Variants in DNAH5 observed in about 807,000 individuals in gnomAD.
The protein encoded by DNAH5 is dynein axonemal heavy chain 5.
In DNAH5, 372 loss-of-function variants were observed where a neutral mutation model predicts 518.2. The ratio of observed to expected loss-of-function variants is 0.72; its 90% CI spans 0.66 to 0.78. The LOEUF (loss-of-function observed/expected upper bound fraction) is 0.78. DNAH5 is among the 30% of genes least tolerant of loss of function. The probability of loss-of-function intolerance (pLI) is 0.00; values close to 1 mark genes in which losing one functional copy is unlikely to be tolerated. For missense variants in DNAH5, 5,523 were observed against 5,687.0 expected, an observed-to-expected ratio of 0.97 and a Z score of 0.93; for synonymous variants, 2,039 against 2,025.9, an observed-to-expected ratio of 1.01 and a Z score of -0.17.
At chr5:14,006,115 C>T (rs1344887793) in intron 1 of DNAH5, among the ~76,000 whole-genome samples, 1 of 151,322 alleles carries the variant, frequency 6.6e-6, no homozygotes, top group Non-Finnish European at 1.5e-5. Flanking sequence ...ACCCATTATT[C>T]AAAAAGATGA....
intron 1 of DNAH5, among the ~76,000 whole-genome samples, chr5:13,935,334 C>T (rs1778825451): frequency 6.6e-6 from 1 of 152,126 alleles, no homozygotes. Context: ...AGAGGGAAAT[C>T]ACTCCCTAAA....
rs545876899 is a variant in DNAH5 at position 13,937,492 on chromosome 5, G to A, written c.58-6248C>T. Among the ~76,000 whole-genome samples, 8 of 151,478 alleles carry A rather than the reference G, an allele frequency of 5.3e-5. No individual in the cohort carries two copies. The East Asian group carries it at 7.8e-4, about 15-fold the overall frequency. On this transcript the variant is annotated intron_variant, in intron 1 of 78. Coordinates refer to ENST00000265104, the MANE Select transcript of DNAH5 (RefSeq NM_001369.3). ...CATCTTCTACTCCTGAAAGTGTCTC[G>A]GAGGTTAGTTCCTCATTTGGGTAGT...
At chr5:13,888,420 C>T (rs1772722863) in intron 17 of DNAH5, among the ~76,000 whole-genome samples, 1 of 152,204 alleles carries the variant, frequency 6.6e-6, no homozygotes, top group Non-Finnish European at 1.5e-5. Context: ...CACTCTCACT[C>T]CCTCCCTTCA....
At chr5:13,951,504 G>C (rs1780408660) in intron 1 of DNAH5, among the ~76,000 whole-genome samples, 1 of 152,064 alleles carries the variant, frequency 6.6e-6, no homozygotes, top group Non-Finnish European at 1.5e-5. Context: ...ACAGGCGTGA[G>C]CCACCATGCC....
chr5:13,729,257 C>T (rs1243394745), intron 69 of DNAH5, among the ~76,000 whole-genome samples, 182 bp downstream of exon 69: 1 of 152,170 alleles, frequency 6.6e-6, no homozygotes, highest in Non-Finnish European at 1.5e-5. Context: ...GATCAGTTAA[C>T]GATGAGCAGA....
chr5:13,836,220 C>T (rs967951980), intron 35 of DNAH5, among the ~76,000 whole-genome samples: 10 of 152,150 alleles, frequency 6.6e-5, no homozygotes, highest in African/African-American at 1.9e-4. Context: ...TGATCAAACA[C>T]GCTAAGGTTA....
intron 76 of DNAH5, 116 bp downstream of exon 76, chr5:13,708,007 G>C: frequency 1.6e-6 from 2 of 1,244,896 alleles, no homozygotes; most frequent in Non-Finnish European, 2.4e-6. Flanking sequence ...AGGGGGCTTC[G>C]TCCCTGTGCA....
intron 1 of DNAH5, among the ~76,000 whole-genome samples, chr5:13,985,430 A>T (rs1288950845): frequency 3.9e-5 from 5 of 127,336 alleles, no homozygotes; most frequent in Non-Finnish European, 3.4e-5. Flanking sequence ...AGTATAATAA[A>T]ATATATATAT....
intron 35 of DNAH5, 24 bp from the exon 36 acceptor site, chr5:13,830,799 G>C: frequency 1.2e-6 from 2 of 1,613,016 alleles, no homozygotes; most frequent in South Asian, 2.2e-5. Flanking sequence ...AACATCACTA[G>C]AACCAGCCCT....
chr5:13,883,241 G>A, intron 19 of DNAH5, 147 bp from the exon 20 acceptor site: 1 of 955,608 alleles, frequency 1.0e-6, no homozygotes. Flanking sequence ...TAAAACTAAT[G>A]GAGGATCTAG....
At position 13,914,609 on chromosome 5, in the gene DNAH5, A is replaced by G; in HGVS notation, c.1231T>C (p.Tyr411His). The G allele has an allele frequency of 3.7e-6, 6 of 1,613,232 alleles. No individual in the cohort carries two copies. Among genetic ancestry groups the G allele is most frequent in the Non-Finnish European group, 5.1e-6 (6 of 1,179,258 alleles). Residue 411 changes from tyrosine to histidine, a missense_variant, in exon 10 of 79, where the codon TAT becomes CAT. By Grantham distance (83) the Tyr-to-His change is moderately conservative. Around this residue, in one of 3 missense-constraint regions of DNAH5, gnomAD observed 5,121 missense variants for 5,223.3 expected, o/e 0.98. Coordinates refer to ENST00000265104, the MANE Select transcript of DNAH5 (RefSeq NM_001369.3). ...GAAGCGGTTCCATTATTGGTAATAT[A>G]GGCTTTACATGCAGATATAATCTGA... ...TNQIISACKA[Y>H]ITNNGTASIW...
Position 13,844,819 on chromosome 5 carries a change from C to T in DNAH5, c.5271+18G>A. ...GAAGGTACGGTGATTGTTGGCCTGC[C>T]ATTAGAATTAGGCGAACCTTTTCGT... On this transcript the variant is annotated intron_variant, in intron 32 of 78. Coordinates refer to ENST00000265104, the MANE Select transcript of DNAH5 (RefSeq NM_001369.3). 1 of 1,614,090 alleles carries T rather than the reference C, an allele frequency of 6.2e-7. No homozygotes were observed.
At chr5:13,875,327 T>C (rs1770727933) in intron 22 of DNAH5, among the ~76,000 whole-genome samples, 1 of 151,790 alleles carries the variant, frequency 6.6e-6, no homozygotes, top group African/African-American at 2.4e-5. Flanking sequence ...ATTAGCCCAG[T>C]GTGGTGGTGC....
intron 47 of DNAH5, among the ~76,000 whole-genome samples, chr5:13,806,341 T>G (rs1759582291): frequency 6.6e-6 from 1 of 152,128 alleles, no homozygotes; most frequent in Admixed American, 6.5e-5. Context: ...GATAGAAAGA[T>G]AGCCCATACT....
chr5:13,888,019 A>C (rs1264283130), intron 17 of DNAH5, among the ~76,000 whole-genome samples: 1 of 152,152 alleles, frequency 6.6e-6, no homozygotes, highest in Non-Finnish European at 1.5e-5. Context: ...CTTCCTCGTC[A>C]TACTCAAAGA....
At chr5:13,751,613 A>G (rs1037589026) in intron 64 of DNAH5, among the ~76,000 whole-genome samples, 4 of 152,224 alleles carry the variant, frequency 2.6e-5, no homozygotes, top group Non-Finnish European at 5.9e-5. Flanking sequence ...CCGAAAGAGT[A>G]TAAAAAGGTT....
intron 55 of DNAH5, among the ~76,000 whole-genome samples, chr5:13,775,587 C>A (rs1355853899): frequency 6.6e-6 from 1 of 152,064 alleles, no homozygotes; most frequent in Non-Finnish European, 1.5e-5. Context: ...ATCCCACTAA[C>A]TTTTTCCACC....
chr5:13,958,438 G>A (rs557426586), intron 1 of DNAH5, among the ~76,000 whole-genome samples: 1 of 152,036 alleles, frequency 6.6e-6, no homozygotes, highest in South Asian at 2.1e-4. Flanking sequence ...TTTGTAAATT[G>A]CCTGTTCATG....
chr5:13,884,882 T>C, intron 19 of DNAH5, 107 bp downstream of exon 19: 1 of 1,468,892 alleles, frequency 6.8e-7, no homozygotes, highest in South Asian at 1.3e-5. Context: ...ATTATTTAAA[T>C]TTAACAGGAA....
Sources: gnomAD v4.1 joint callset for allele counts (sites outside exome capture counted in the v4.1 genomes callset) on GRCh38, gnomAD v4.1.1 for gene constraint, gnomAD v4.1.1 regional missense constraint, MANE v1.5 for transcripts, NCBI Gene and HGNC (gene_info 2026-07-23, HGNC 2026-07-21) for gene names.